HCRTR2: variants seen among roughly 807,000 people sequenced by gnomAD.
HCRTR2 encodes the protein hypocretin receptor 2.
Under a neutral mutation model 49.0 loss-of-function variants are expected in HCRTR2, and 22 were observed. The observed-to-expected ratio is 0.45, with a 90% CI of 0.32 to 0.64. The LOEUF is 0.64. Among genes scored for constraint, HCRTR2 ranks in the 30% least tolerant of loss-of-function variants. The probability of loss-of-function intolerance (pLI) is 0.04; values close to 1 mark genes in which losing one functional copy is unlikely to be tolerated. For missense variants in HCRTR2, 491 were observed against 559.4 expected (o/e 0.88, Z 1.23); for synonymous variants, 236 against 205.3 (o/e 1.15, Z -1.28).
At chr6:55,182,425 A>G (rs576493751) in intron 1 of HCRTR2, among the ~76,000 whole-genome samples, 1 of 152,288 alleles carries the variant, frequency 6.6e-6, no homozygotes, top group South Asian at 2.1e-4. Flanking sequence ...CTTCTTCTGG[A>G]GGAAGTAAGC....
At chr6:55,120,817 C>G (rs915046146) in intron 1 of HCRTR2, among the ~76,000 whole-genome samples, 12 of 151,876 alleles carry the variant, frequency 7.9e-5, no homozygotes, top group Non-Finnish European at 1.6e-4. Context: ...GAGATCTGTT[C>G]TGTTCCATTG....
intron 6 of HCRTR2, 76 bp downstream of exon 6, chr6:55,280,520 A>G (rs997878413): frequency 1.3e-6 from 2 of 1,590,100 alleles, no homozygotes; most frequent in East Asian, 4.5e-5. Context: ...CTTCAACTAT[A>G]TGAGGAGTTT....
intron 4 of HCRTR2, among the ~76,000 whole-genome samples, chr6:55,267,404 G>GT (rs200158940): frequency 0.33 from 40,458 of 124,368 alleles, 6,500 homozygotes; most frequent in African/African-American, 0.39. Flanking sequence ...CTCTCTCTCT[G>GT]TTTTTTTTTT....
At chr6:55,255,482 C>A (rs1260722552) in intron 3 of HCRTR2, 103 bp downstream of exon 3, 15 of 1,370,902 alleles carry the variant, frequency 1.1e-5, no homozygotes, top group Non-Finnish European at 1.4e-5. Flanking sequence ...ATTTTATTGA[C>A]ATTTGTGAAT....
At chr6:55,128,084 G>A (rs2127243750) in intron 1 of HCRTR2, among the ~76,000 whole-genome samples, 1 of 152,200 alleles carries the variant, frequency 6.6e-6, no homozygotes, top group South Asian at 2.1e-4. Flanking sequence ...AATCCATCTT[G>A]AGTTAATTTT....
intron 1 of HCRTR2, among the ~76,000 whole-genome samples, chr6:55,227,617 T>C (rs1472657336): frequency 6.6e-6 from 1 of 152,200 alleles, no homozygotes; most frequent in Non-Finnish European, 1.5e-5. Flanking sequence ...CATCTAATTG[T>C]TTCCTATTCC....
At chr6:55,268,805 C>A (rs1205379494) in intron 4 of HCRTR2, among the ~76,000 whole-genome samples, 2 of 151,914 alleles carry the variant, frequency 1.3e-5, no homozygotes, top group African/African-American at 4.8e-5. Flanking sequence ...GGATAGAAAA[C>A]ACAGGCAGGG....
chr6:55,253,230 A>G (rs1415396456), intron 2 of HCRTR2, among the ~76,000 whole-genome samples: 2 of 151,870 alleles, frequency 1.3e-5, no homozygotes, highest in African/African-American at 4.8e-5. Context: ...AACACACAAC[A>G]CACAACACAC....
At chr6:55,270,956 T>C (rs1221725978) in intron 4 of HCRTR2, among the ~76,000 whole-genome samples, 2 of 152,180 alleles carry the variant, frequency 1.3e-5, no homozygotes, top group Non-Finnish European at 2.9e-5. Context: ...TCAATCTTGT[T>C]AAAATAGAAA....
intron 1 of HCRTR2, among the ~76,000 whole-genome samples, chr6:55,134,364 T>A (rs936751932): frequency 6.6e-5 from 10 of 151,870 alleles, no homozygotes; most frequent in Admixed American, 2.0e-4. Flanking sequence ...TGGCAAAAAA[T>A]TTATAATATG....
At chr6:55,153,541 T>C (rs988742399) in intron 1 of HCRTR2, among the ~76,000 whole-genome samples, 1 of 152,088 alleles carries the variant, frequency 6.6e-6, no homozygotes, top group Non-Finnish European at 1.5e-5. Context: ...CCATCAGTCA[T>C]TGATGAAAAC....
chr6:55,191,386 G>A (rs1396211793), intron 1 of HCRTR2, among the ~76,000 whole-genome samples: 1 of 151,914 alleles, frequency 6.6e-6, no homozygotes, highest in African/African-American at 2.4e-5. Flanking sequence ...CAGTCTTTCA[G>A]GATTAAAATG....
At chr6:55,118,740 T>A (rs1434153661) in intron 1 of HCRTR2, among the ~76,000 whole-genome samples, 1 of 151,704 alleles carries the variant, frequency 6.6e-6, no homozygotes, top group Non-Finnish European at 1.5e-5. Context: ...CACTTTTTAA[T>A]GGGGTTATTT....
At chr6:55,185,312 C>A in intron 1 of HCRTR2, among the ~76,000 whole-genome samples, 1 of 152,126 alleles carries the variant, frequency 6.6e-6, no homozygotes, top group East Asian at 1.9e-4. Flanking sequence ...AGATCTGGTT[C>A]TTTGAAATCA....
chr6:55,120,977 T>C (rs1306655694), intron 1 of HCRTR2, among the ~76,000 whole-genome samples: 2 of 152,114 alleles, frequency 1.3e-5, no homozygotes, highest in African/African-American at 2.4e-5. Flanking sequence ...TGGTTCCATA[T>C]GAACTTTAAA....
intron 1 of HCRTR2, among the ~76,000 whole-genome samples, chr6:55,129,481 G>A (rs570708257): frequency 1.3e-5 from 2 of 152,184 alleles, no homozygotes; most frequent in East Asian, 3.9e-4. Flanking sequence ...ATATGTGTGA[G>A]TTGGTGTTAT....
At chr6:55,236,198 A>C (rs796221353) in intron 1 of HCRTR2, among the ~76,000 whole-genome samples, 2 of 152,068 alleles carry the variant, frequency 1.3e-5, no homozygotes, top group African/African-American at 4.8e-5. Flanking sequence ...ACAGTGCAGA[A>C]ATCATGTGTT....
chr6:55,127,036 C>CTT (rs989810685), intron 1 of HCRTR2, among the ~76,000 whole-genome samples: 51 of 152,248 alleles, frequency 3.3e-4, no homozygotes, highest in African/African-American at 1.2e-3. Flanking sequence ...GAGCTGACCA[C>CTT]TTGGCTGCCT....
At chr6:55,202,475 A>T (rs1196963184) in intron 1 of HCRTR2, among the ~76,000 whole-genome samples, 2 of 152,178 alleles carry the variant, frequency 1.3e-5, no homozygotes, top group African/African-American at 4.8e-5. Flanking sequence ...GCTCTAACAC[A>T]ATACCATAGA....
Sources: gnomAD v4.1 joint callset for allele counts (sites outside exome capture counted in the v4.1 genomes callset) on GRCh38, gnomAD v4.1.1 for gene constraint, MANE v1.5 for transcripts, NCBI Gene and HGNC (gene_info 2026-07-23, HGNC 2026-07-21) for gene names.